SDK1: variants seen among roughly 807,000 people sequenced by gnomAD.
SDK1 encodes sidekick cell adhesion molecule 1, also known as protein sidekick-1.
Under a neutral mutation model 245.5 loss-of-function variants are expected in SDK1, and 157 were observed. The observed-to-expected ratio is 0.64, with a 90% CI of 0.56 to 0.73. The LOEUF (loss-of-function observed/expected upper bound fraction) is 0.73, where lower values mean the gene tolerates loss of function less well. SDK1 is among the 30% of genes least tolerant of loss of function. The probability of loss-of-function intolerance (pLI) is 0.00; values close to 1 mark genes in which losing one functional copy is unlikely to be tolerated. For synonymous variants in SDK1, 1,647 were observed against 1,278.5 expected (o/e 1.29, Z -6.15); for missense variants, 3,583 against 3,002.3 (o/e 1.19, Z -4.52).
intron 1 of SDK1, among the ~76,000 whole-genome samples, chr7:3,343,987 C>T (rs1218228313): frequency 7.1e-6 from 1 of 141,256 alleles, no homozygotes; most frequent in African/African-American, 2.7e-5. Flanking sequence ...GGTGTACAGA[C>T]ACTAAACCAT....
At chr7:3,920,843 G>A (rs1358992839) in intron 5 of SDK1, among the ~76,000 whole-genome samples, 2 of 152,176 alleles carry the variant, frequency 1.3e-5, no homozygotes, top group African/African-American at 4.8e-5. Flanking sequence ...TTATTTACGG[G>A]AAGATGGATC....
chr7:3,430,167 G>C (rs147467763), intron 1 of SDK1, among the ~76,000 whole-genome samples: 1 of 152,216 alleles, frequency 6.6e-6, no homozygotes, highest in Non-Finnish European at 1.5e-5. Context: ...CTTCATCTCC[G>C]CATGCTCCTA....
chr7:4,176,854 C>G (rs867266516), intron 34 of SDK1, among the ~76,000 whole-genome samples: 4 of 152,178 alleles, frequency 2.6e-5, no homozygotes, highest in African/African-American at 9.6e-5. Flanking sequence ...GAATGAAAGA[C>G]CACGTTTTGT....
At chr7:4,096,733 G>A (rs933002960) in intron 22 of SDK1, among the ~76,000 whole-genome samples, 2 of 152,030 alleles carry the variant, frequency 1.3e-5, no homozygotes, top group African/African-American at 4.8e-5. Flanking sequence ...GCAGGGCCCT[G>A]TCCTAGAAAA....
At chr7:3,475,040 C>T (rs1217010782) in intron 1 of SDK1, among the ~76,000 whole-genome samples, 1 of 152,186 alleles carries the variant, frequency 6.6e-6, no homozygotes, top group African/African-American at 2.4e-5. Context: ...ACTTGGTACT[C>T]TCCCGTCCAT....
chr7:3,693,447 C>A (rs1023531434), intron 4 of SDK1, among the ~76,000 whole-genome samples: 3 of 152,102 alleles, frequency 2.0e-5, no homozygotes, highest in Non-Finnish European at 4.4e-5. Context: ...AAGTATAAAT[C>A]GGTTTGAGGA....
chr7:4,139,433 ATATG>A (rs1306967875), intron 28 of SDK1, among the ~76,000 whole-genome samples: 2 of 110,812 alleles, frequency 1.8e-5, no homozygotes, highest in Non-Finnish European at 1.9e-5. Flanking sequence ...GTGTATGTAT[ATATG>A]TGTGTGTATA....
chr7:4,016,142 C>A (rs1786384663), intron 16 of SDK1, among the ~76,000 whole-genome samples: 1 of 152,248 alleles, frequency 6.6e-6, no homozygotes, highest in Non-Finnish European at 1.5e-5. Flanking sequence ...TGGGACCACA[C>A]AGGTAATGGA....
intron 1 of SDK1, among the ~76,000 whole-genome samples, chr7:3,581,197 T>C (rs562178962): frequency 1.3e-5 from 2 of 152,206 alleles, no homozygotes; most frequent in South Asian, 2.1e-4. Context: ...GGAGAAAATA[T>C]TGGCTAACTA....
chr7:3,876,030 G>C (rs77486765), intron 5 of SDK1, among the ~76,000 whole-genome samples: 7,810 of 152,202 alleles, frequency 0.051, 634 homozygotes, highest in African/African-American at 0.17. Flanking sequence ...TCTTGCCATA[G>C]GTGGTGGAAG....
chr7:3,492,198 G>T (rs1781882645), intron 1 of SDK1, among the ~76,000 whole-genome samples: 1 of 152,178 alleles, frequency 6.6e-6, no homozygotes, highest in African/African-American at 2.4e-5. Flanking sequence ...GCTCCTTTCT[G>T]TTCAGTCTTT....
chr7:3,548,759 C>T (rs1451046940), intron 1 of SDK1, among the ~76,000 whole-genome samples: 1 of 152,196 alleles, frequency 6.6e-6, no homozygotes, highest in African/African-American at 2.4e-5. Context: ...AAGGATTGTA[C>T]TCCCATCTTC....
At position 3,581,970 on chromosome 7, in the gene SDK1, C is replaced by T. The variant is rs571340703; in HGVS notation, c.299-37110C>T. Among the ~76,000 whole-genome samples, 8 of 152,340 alleles carry T rather than the reference C, an allele frequency of 5.3e-5. No homozygotes were observed. In the South Asian group the frequency reaches 1.7e-3, roughly 32 times the overall value. On this transcript the variant is annotated intron_variant, in intron 1 of 44. Transcript: ENST00000404826. ...GAACACATGGCCACATAGAGGGGAACAGACACCGGGGCCTACTTGAGGGTG... is the reference window on the plus strand; with the variant it reads ...GAACACATGGCCACATAGAGGGGAATAGACACCGGGGCCTACTTGAGGGTG...
At chr7:3,713,709 T>A (rs553856574) in intron 4 of SDK1, among the ~76,000 whole-genome samples, 19 of 152,350 alleles carry the variant, frequency 1.2e-4, no homozygotes, top group African/African-American at 4.3e-4. Flanking sequence ...GAACCTGGAC[T>A]AGAGATTTCA....
intron 1 of SDK1, chr7:3,302,337 C>T (rs1348162725): frequency 6.6e-6 from 1 of 152,138 alleles, no homozygotes; most frequent in Non-Finnish European, 1.5e-5. Flanking sequence ...CTCCCCAGGG[C>T]CTCGTCCTCT....
intron 25 of SDK1, among the ~76,000 whole-genome samples, chr7:4,121,295 G>C (rs1250313487): frequency 6.6e-6 from 1 of 152,162 alleles, no homozygotes; most frequent in African/African-American, 2.4e-5. Flanking sequence ...TTGGCTCCCT[G>C]TCCCCACCCA....
intron 5 of SDK1, among the ~76,000 whole-genome samples, chr7:3,879,509 C>G (rs1562508969): frequency 6.6e-6 from 1 of 152,164 alleles, no homozygotes; most frequent in African/African-American, 2.4e-5. Flanking sequence ...ACGCCCTTTT[C>G]AAGGGGCCAG....
chr7:3,508,097 TAGTC>T (rs1403170570), intron 1 of SDK1, among the ~76,000 whole-genome samples: 1 of 152,148 alleles, frequency 6.6e-6, no homozygotes, highest in East Asian at 1.9e-4. Context: ...CTGCTACTGA[TAGTC>T]AGGGTGTTGT....
chr7:3,662,019 T>C (rs992619640), intron 4 of SDK1, among the ~76,000 whole-genome samples: 1 of 149,264 alleles, frequency 6.7e-6, no homozygotes, highest in Non-Finnish European at 1.5e-5. Context: ...ATGTTTCAAA[T>C]AGAGGAAGAG....
Sources: allele counts gnomAD v4.1 joint callset (sites outside exome capture counted in the v4.1 genomes callset), GRCh38; gene constraint gnomAD v4.1.1; transcripts MANE v1.5; gene names NCBI Gene and HGNC (gene_info 2026-07-23, HGNC 2026-07-21).